MYO10: variants seen among roughly 807,000 people sequenced by gnomAD.
The protein encoded by MYO10 is unconventional myosin-X.
A neutral mutation model predicts 257.3 loss-of-function variants in MYO10; 133 were observed. The observed-to-expected ratio is 0.52, with a 90% confidence interval of 0.45 to 0.60. The LOEUF is 0.60. Among genes scored for constraint, MYO10 ranks in the 20% least tolerant of loss-of-function variants. The probability of loss-of-function intolerance (pLI) is 0.00; values close to 1 mark genes in which losing one functional copy is unlikely to be tolerated. For synonymous variants in MYO10, 1,104 were observed against 1,028.6 expected (o/e 1.07, Z -1.40); for missense variants, 2,399 against 2,635.7 (o/e 0.91, Z 1.97).
At chr5:16,678,242 G>A (rs929186904) in intron 33 of MYO10, among the ~76,000 whole-genome samples, 1 of 152,140 alleles carries the variant, frequency 6.6e-6, no homozygotes, top group South Asian at 2.1e-4. Context: ...AGTGCCCTGG[G>A]TTGCATGGAA....
intron 1 of MYO10, among the ~76,000 whole-genome samples, chr5:16,893,165 C>G (rs1580122930): frequency 1.5e-5 from 2 of 129,870 alleles, no homozygotes; most frequent in African/African-American, 5.7e-5. Flanking sequence ...CCACTGCACT[C>G]CAGCCTGGGT....
chr5:16,670,352 G>C (rs1736387659), intron 39 of MYO10, among the ~76,000 whole-genome samples, 174 bp downstream of exon 39: 1 of 151,890 alleles, frequency 6.6e-6, no homozygotes, highest in African/African-American at 2.4e-5. Flanking sequence ...CACAGGAGAA[G>C]AGAAACTGTG....
intron 4 of MYO10, among the ~76,000 whole-genome samples, chr5:16,790,912 T>TAC (rs3993823): frequency 9.4e-5 from 14 of 148,242 alleles, no homozygotes; most frequent in South Asian, 4.2e-4. Flanking sequence ...TATATATATA[T>TAC]ACACACACAC....
intron 2 of MYO10, among the ~76,000 whole-genome samples, chr5:16,864,957 C>T (rs894396306): frequency 2.6e-5 from 4 of 152,052 alleles, no homozygotes; most frequent in South Asian, 2.1e-4. Context: ...GAGTATAGAC[C>T]GCTGATTTTA....
Position 16,792,235 on chromosome 5 carries a change from A to T in MYO10, c.467+2411T>A, listed in dbSNP as rs1037742808. ...ATATACATGTAATCCCCATTTGTTT[A>T]AAAAAAAAAGGAACTACAAAAAAGA... On this transcript the variant is annotated intron_variant, in intron 4 of 40. Transcript: ENST00000513610. Among the ~76,000 whole-genome samples the T allele has an allele frequency of 9.9e-4, 60 of 60,352 alleles. 2 individuals are homozygous for T. The highest frequency in any genetic ancestry group is 3.5e-4 in the East Asian group (1 of 2,896). 39.6% of individuals were successfully genotyped at this position (60,352 alleles called of 152,430 possible).
chr5:16,923,070 G>A (rs1185573092), intron 1 of MYO10, among the ~76,000 whole-genome samples: 3 of 151,838 alleles, frequency 2.0e-5, no homozygotes, highest in Non-Finnish European at 4.4e-5. Flanking sequence ...GGGGAGGGGA[G>A]GGTGAACTAG....
intron 9 of MYO10, among the ~76,000 whole-genome samples, chr5:16,771,738 C>T (rs1741056925): frequency 6.6e-6 from 1 of 151,658 alleles, no homozygotes; most frequent in East Asian, 1.9e-4. Context: ...CACCAACACA[C>T]CTGGCTAAAT....
At chr5:16,863,624 C>T (rs1439406204) in intron 2 of MYO10, among the ~76,000 whole-genome samples, 3 of 152,182 alleles carry the variant, frequency 2.0e-5, no homozygotes, top group Admixed American at 6.5e-5. Context: ...GTTTACAATG[C>T]CATACTTTAA....
intron 32 of MYO10, among the ~76,000 whole-genome samples, chr5:16,681,080 T>C (rs951512237): frequency 1.3e-5 from 2 of 152,236 alleles, no homozygotes; most frequent in African/African-American, 4.8e-5. Flanking sequence ...GTTGACATTT[T>C]CTTGTCCTTG....
intron 1 of MYO10, among the ~76,000 whole-genome samples, chr5:16,888,169 A>G (rs1397539822): frequency 6.6e-6 from 1 of 152,030 alleles, no homozygotes; most frequent in Non-Finnish European, 1.5e-5. Context: ...TCCACCAAAT[A>G]TCTCCTAACA....
At chr5:16,726,509 T>C (rs1485201439) in intron 19 of MYO10, among the ~76,000 whole-genome samples, 1 of 152,180 alleles carries the variant, frequency 6.6e-6, no homozygotes, top group Non-Finnish European at 1.5e-5. Context: ...GTTAATTAAC[T>C]GTCTAGGGTC....
At chr5:16,879,384 C>G (rs1042531531) in intron 1 of MYO10, among the ~76,000 whole-genome samples, 6 of 152,170 alleles carry the variant, frequency 3.9e-5, no homozygotes, top group African/African-American at 1.4e-4. Flanking sequence ...AAATGACACA[C>G]CAGTAAACTC....
intron 2 of MYO10, among the ~76,000 whole-genome samples, chr5:16,829,958 A>C (rs1434525155): frequency 6.6e-6 from 1 of 152,108 alleles, no homozygotes; most frequent in Non-Finnish European, 1.5e-5. Context: ...AAGGAAAACC[A>C]GCCAGGTGCG....
chr5:16,791,555 CACACACAT>C (rs936861833), intron 4 of MYO10, among the ~76,000 whole-genome samples: 1 of 124,014 alleles, frequency 8.1e-6, no homozygotes, highest in Non-Finnish European at 1.7e-5. Context: ...TACACACACA[CACACACAT>C]ACACATATGC....
chr5:16,683,366 C>A (rs1259002065), intron 30 of MYO10, among the ~76,000 whole-genome samples: 1 of 152,158 alleles, frequency 6.6e-6, no homozygotes, highest in Non-Finnish European at 1.5e-5. Flanking sequence ...CGCGTAAGAT[C>A]ATCTCCAAAG....
intron 2 of MYO10, among the ~76,000 whole-genome samples, chr5:16,858,319 C>T (rs774156022): frequency 3.3e-5 from 5 of 152,068 alleles, no homozygotes; most frequent in Non-Finnish European, 7.4e-5. Context: ...CAGTTTGCTG[C>T]CCCTGTTCAG....
chr5:16,728,042 A>C (rs1221585836), intron 19 of MYO10, among the ~76,000 whole-genome samples: 1 of 152,140 alleles, frequency 6.6e-6, no homozygotes, highest in Non-Finnish European at 1.5e-5. Context: ...TCCAAAACAC[A>C]CAAGTGGCCT....
chr5:16,914,687 C>T (rs1258097153), intron 1 of MYO10, among the ~76,000 whole-genome samples: 1 of 152,194 alleles, frequency 6.6e-6, no homozygotes, highest in Non-Finnish European at 1.5e-5. Flanking sequence ...TTAATCACTG[C>T]CTAGTATGGG....
In MYO10 at chr5:16,673,687, C is replaced by T. The variant is rs746738363; in HGVS notation, c.5167G>A (p.Gly1723Arg). 39 of 1,613,310 alleles carry T rather than the reference C, an allele frequency of 2.4e-5. No homozygotes were observed. Among genetic ancestry groups the T allele is most frequent in the Non-Finnish European group, 3.2e-5 (38 of 1,179,578 alleles). Residue 1723 changes from glycine to arginine, a missense_variant, in exon 36 of 41, where the codon GGG becomes AGG. Physicochemically the swap from Gly to Arg is moderately radical, Grantham distance 125. This residue lies in a region of MYO10 where 1,820 missense variants were observed against 1,939.4 expected (regional missense o/e 0.94). Coordinates refer to ENST00000513610, the MANE Select transcript of MYO10 (RefSeq NM_012334.3). ...KITINSHTTA[G>R]EVVEKLIRGL... ...CAGCAGCTGCCTCTCCTCACCTCCC[C>T]AGCGGTGGTGTGGGAGTTGATGGTG...
Sources: gnomAD v4.1 joint callset for allele counts (sites outside exome capture counted in the v4.1 genomes callset) on GRCh38, gnomAD v4.1.1 for gene constraint, gnomAD v4.1.1 regional missense constraint, MANE v1.5 for transcripts, NCBI Gene and HGNC (gene_info 2026-07-23, HGNC 2026-07-21) for gene names.